EFCAB5: variants seen among roughly 807,000 people sequenced by gnomAD.
The protein encoded by EFCAB5 is EF-hand calcium-binding domain-containing protein 5.
A neutral mutation model predicts 167.9 loss-of-function variants in EFCAB5; 131 were observed. That is an observed-to-expected ratio of 0.78 (90% CI 0.68 to 0.90). The LOEUF (loss-of-function observed/expected upper bound fraction) is 0.90. Ranked by LOEUF, EFCAB5 falls within the 40% of genes least tolerant of loss-of-function variation. The probability of loss-of-function intolerance (pLI) is 0.00; values close to 1 mark genes in which losing one functional copy is unlikely to be tolerated. For missense variants in EFCAB5, 1,663 were observed against 1,745.2 expected (o/e 0.95, Z 0.84); for synonymous variants, 574 against 602.8 (o/e 0.95, Z 0.70).
At chr17:30,012,531 A>G (rs767467631) in intron 7 of EFCAB5, among the ~76,000 whole-genome samples, 12 of 152,182 alleles carry the variant, frequency 7.9e-5, no homozygotes, top group East Asian at 7.7e-4. Flanking sequence ...CAGTGGACAC[A>G]TGACCCACAT....
rs550350881 is a variant in EFCAB5 at position 29,993,224 on chromosome 17, A to C, written c.827A>C (p.Lys276Thr). The change falls in exon 5 of 23, where the codon AAA (lysine) becomes ACA (threonine). Residue 276 changes from lysine (K) to threonine (T), a missense_variant. Transcript: ENST00000394835. ...AGAAAACAAAGAGAAAGCATAGACAAAATCATAGTCAAGGTGGCCAACACA... is the reference window on the plus strand; with the variant it reads ...AGAAAACAAAGAGAAAGCATAGACACAATCATAGTCAAGGTGGCCAACACA... Reference protein sequence around the residue: ...QNRKQRESIDKIIVKVANTRK... With the variant: ...QNRKQRESIDTIIVKVANTRK... 2.5e-6 allele frequency: 4 copies of C among 1,613,858 alleles called. No homozygotes were observed. In the African/African-American group the frequency reaches 4.0e-5, roughly 16 times the overall value.
chr17:30,065,503 A>C (rs1372206361), intron 14 of EFCAB5: 2 of 152,168 alleles, frequency 1.3e-5, no homozygotes, highest in East Asian at 3.9e-4. Context: ...TCTACTAAAA[A>C]TACAAAAATT....
intron 4 of EFCAB5, 111 bp from the exon 5 acceptor site, chr17:29,993,054 T>C: frequency 1.8e-6 from 2 of 1,140,126 alleles, no homozygotes; most frequent in South Asian, 4.1e-5. Context: ...AAAGATTTTA[T>C]GGAGAAAAGA....
intron 7 of EFCAB5, among the ~76,000 whole-genome samples, chr17:30,011,683 T>C (rs1470865432): frequency 6.6e-6 from 1 of 152,172 alleles, no homozygotes; most frequent in Non-Finnish European, 1.5e-5. Context: ...CTGAAGTTGG[T>C]TATCAGCTTA....
chr17:30,046,885 T>G (rs1035823365), intron 8 of EFCAB5, among the ~76,000 whole-genome samples: 7 of 152,190 alleles, frequency 4.6e-5, no homozygotes, highest in African/African-American at 1.7e-4. Context: ...TTGGTATTGC[T>G]CCAGGAATAC....
intron 22 of EFCAB5, among the ~76,000 whole-genome samples, chr17:30,095,915 G>A (rs930685207): frequency 6.6e-6 from 1 of 152,190 alleles, no homozygotes; most frequent in African/African-American, 2.4e-5. Context: ...ACTTGCCATC[G>A]CAGCTAGACT....
intron 7 of EFCAB5, among the ~76,000 whole-genome samples, chr17:30,004,570 C>T (rs983539820): frequency 6.6e-6 from 1 of 151,524 alleles, no homozygotes; most frequent in Admixed American, 6.6e-5. Flanking sequence ...AAGACAACTG[C>T]CTTCTATAAT....
chr17:30,083,200 T>A (rs2151838480), intron 18 of EFCAB5, among the ~76,000 whole-genome samples, 157 bp downstream of exon 18: 1 of 152,364 alleles, frequency 6.6e-6, no homozygotes, highest in South Asian at 2.1e-4. Context: ...CAGGAATCCA[T>A]CTCAAATTGC....
chr17:30,091,086 G>A (rs1408401948), intron 20 of EFCAB5, among the ~76,000 whole-genome samples: 2 of 152,208 alleles, frequency 1.3e-5, no homozygotes, highest in African/African-American at 4.8e-5. Flanking sequence ...GTGAGGGCTG[G>A]ATTTGAACCT....
chr17:30,061,831 G>C (rs574124247), intron 14 of EFCAB5, among the ~76,000 whole-genome samples: 1 of 152,130 alleles, frequency 6.6e-6, no homozygotes, highest in Admixed American at 6.5e-5. Flanking sequence ...GTCTCCCAAA[G>C]TTCTGGGATT....
chr17:30,094,950 A>C (rs1286843895), intron 22 of EFCAB5, among the ~76,000 whole-genome samples: 2 of 152,100 alleles, frequency 1.3e-5, no homozygotes, highest in Admixed American at 6.5e-5. Flanking sequence ...ACTTTGCCTA[A>C]GATACTCCTA....
chr17:30,043,135 A>G (rs1343701567), intron 8 of EFCAB5, among the ~76,000 whole-genome samples: 1 of 152,170 alleles, frequency 6.6e-6, no homozygotes, highest in Non-Finnish European at 1.5e-5. Flanking sequence ...AAAAGCTATC[A>G]AAACAATTCA....
chr17:29,943,946 C>A (rs578158379), intron 3 of EFCAB5, among the ~76,000 whole-genome samples: 119 of 152,244 alleles, frequency 7.8e-4, no homozygotes, highest in African/African-American at 2.8e-3. Flanking sequence ...GCACTCCAGC[C>A]TGGGTGACAG....
intron 22 of EFCAB5, among the ~76,000 whole-genome samples, chr17:30,098,461 G>A (rs1369435494): frequency 6.6e-6 from 1 of 151,628 alleles, no homozygotes; most frequent in Non-Finnish European, 1.5e-5. Flanking sequence ...GAACCCAAGA[G>A]GTTGAGGCTG....
chr17:30,094,493 A>G (rs2071256882), intron 22 of EFCAB5, among the ~76,000 whole-genome samples: 1 of 144,706 alleles, frequency 6.9e-6, no homozygotes, highest in African/African-American at 2.7e-5. Flanking sequence ...CAACATGGCA[A>G]AATCTTGTCT....
intron 22 of EFCAB5, among the ~76,000 whole-genome samples, chr17:30,101,632 G>C (rs2071384162): frequency 6.6e-6 from 1 of 152,228 alleles, no homozygotes; most frequent in African/African-American, 2.4e-5. Context: ...TTGGTGAATA[G>C]ATGATTGGCA....
At chr17:30,013,127 C>T (rs549477772) in intron 7 of EFCAB5, among the ~76,000 whole-genome samples, 1 of 152,218 alleles carries the variant, frequency 6.6e-6, no homozygotes, top group African/African-American at 2.4e-5. Context: ...TATGTTGAAC[C>T]AGTCTTGCAT....
At chr17:30,074,713 G>A (rs979665609) in intron 14 of EFCAB5, 1 of 152,088 alleles carries the variant, frequency 6.6e-6, no homozygotes, top group Admixed American at 6.5e-5. Context: ...TATATGTTTA[G>A]CTTTATAAAA....
At chr17:29,970,065 A>G (rs1237716929) in intron 4 of EFCAB5, among the ~76,000 whole-genome samples, 1 of 152,126 alleles carries the variant, frequency 6.6e-6, no homozygotes, top group Non-Finnish European at 1.5e-5. Flanking sequence ...CTCTTCCAGA[A>G]TTATTATTTT....
Sources: gnomAD v4.1 joint callset for allele counts (sites outside exome capture counted in the v4.1 genomes callset) on GRCh38, gnomAD v4.1.1 for gene constraint, MANE v1.5 for transcripts, NCBI Gene and HGNC (gene_info 2026-07-23, HGNC 2026-07-21) for gene names.